The following MOB1B variants were observed in gnomAD, a reference collection of about 807,000 sequenced individuals.
MOB1B encodes MOB kinase activator 1B.
A neutral mutation model predicts 24.4 loss-of-function variants in MOB1B; 19 were observed. That is an observed-to-expected ratio of 0.78 (90% CI 0.54 to 1.14). The LOEUF (loss-of-function observed/expected upper bound fraction) is 1.14. Ranked by LOEUF, MOB1B falls within the 50% of genes most tolerant of loss-of-function variation. The pLI, the probability that MOB1B is intolerant of heterozygous loss-of-function variation, is 0.00. For missense variants in MOB1B, 243 were observed against 259.6 expected, an observed-to-expected ratio of 0.94 and a Z score of 0.44; for synonymous variants, 76 against 82.1, an observed-to-expected ratio of 0.93 and a Z score of 0.40.
chr4:70,962,271 C>T (rs1053335896), intron 2 of MOB1B, among the ~76,000 whole-genome samples: 81 of 152,226 alleles, frequency 5.3e-4, no homozygotes, highest in African/African-American at 1.8e-3. Context: ...CCAGGCTTCA[C>T]GAATTAGTCA....
intron 1 of MOB1B, among the ~76,000 whole-genome samples, chr4:70,927,606 C>T (rs1252965017): frequency 1.3e-5 from 2 of 152,084 alleles, no homozygotes; most frequent in Admixed American, 1.3e-4. Flanking sequence ...CTATTCAAAA[C>T]AGCAAGAATT....
intron 1 of MOB1B, among the ~76,000 whole-genome samples, chr4:70,919,378 T>C (rs939167097): frequency 2.6e-5 from 4 of 151,916 alleles, no homozygotes; most frequent in African/African-American, 9.7e-5. Context: ...TTCCCGTAAA[T>C]TATTTATTTT....
intron 1 of MOB1B, among the ~76,000 whole-genome samples, chr4:70,943,840 G>C (rs1017814495): frequency 6.6e-6 from 1 of 151,822 alleles, no homozygotes; most frequent in Admixed American, 6.6e-5. Context: ...TAGAGATCTA[G>C]ATTTTTGGAG....
chr4:70,976,442 G>A (rs188300899), intron 4 of MOB1B: 1 of 985,282 alleles, frequency 1.0e-6, no homozygotes, highest in East Asian at 1.1e-4. Flanking sequence ...TTGAGGGGTT[G>A]CTGTATCATC....
At chr4:70,956,380 G>A (rs769763809) in intron 1 of MOB1B, among the ~76,000 whole-genome samples, 12 of 151,926 alleles carry the variant, frequency 7.9e-5, no homozygotes, top group South Asian at 2.1e-4. Context: ...CTCCCACCTC[G>A]GCCTCCCAAA....
At chr4:70,979,480 T>C (rs978908953) in intron 5 of MOB1B, among the ~76,000 whole-genome samples, 189 bp downstream of exon 5, 1 of 152,212 alleles carries the variant, frequency 6.6e-6, no homozygotes. Flanking sequence ...TCCAAGTTGA[T>C]GGTATGCAAG....
intron 1 of MOB1B, among the ~76,000 whole-genome samples, chr4:70,904,537 G>A (rs980515402): frequency 4.6e-5 from 7 of 151,754 alleles, no homozygotes; most frequent in African/African-American, 1.7e-4. Flanking sequence ...AAGACAGGCA[G>A]ATCACCAGGT....
At chr4:70,928,147 A>G (rs972612938) in intron 1 of MOB1B, among the ~76,000 whole-genome samples, 3 of 152,106 alleles carry the variant, frequency 2.0e-5, no homozygotes, top group African/African-American at 7.2e-5. Flanking sequence ...CTTTCCAAAA[A>G]GACATTGTAC....
chr4:70,913,259 G>GGTATGTATGTAT (rs58774039), intron 1 of MOB1B, among the ~76,000 whole-genome samples: 1 of 149,918 alleles, frequency 6.7e-6, no homozygotes, highest in Non-Finnish European at 1.5e-5. Context: ...CGTTTGTATG[G>GGTATGTATGTAT]GTATGTATGT....
At chr4:70,956,420 G>A (rs1363817561) in intron 1 of MOB1B, among the ~76,000 whole-genome samples, 1 of 152,008 alleles carries the variant, frequency 6.6e-6, no homozygotes, top group Non-Finnish European at 1.5e-5. Context: ...GAGCCACTGT[G>A]CTGGGTCAAT....
intron 2 of MOB1B, among the ~76,000 whole-genome samples, chr4:70,961,907 T>C (rs1738319966): frequency 6.6e-6 from 1 of 151,980 alleles, no homozygotes; most frequent in Admixed American, 6.6e-5. Flanking sequence ...AGGAGAAAAA[T>C]AGAATAATAA....
At chr4:70,943,244 G>C (rs1737421629) in intron 1 of MOB1B, among the ~76,000 whole-genome samples, 1 of 152,162 alleles carries the variant, frequency 6.6e-6, no homozygotes, top group East Asian at 1.9e-4. Context: ...AGCTAAATGG[G>C]GTGGTTCAGC....
chr4:70,937,913 T>G (rs929040358), intron 1 of MOB1B, among the ~76,000 whole-genome samples: 5 of 152,148 alleles, frequency 3.3e-5, no homozygotes, highest in African/African-American at 1.2e-4. Context: ...GCAATCATTT[T>G]TTAAAAAATT....
chr4:70,943,507 A>G (rs1217060824), intron 1 of MOB1B, among the ~76,000 whole-genome samples: 1 of 152,222 alleles, frequency 6.6e-6, no homozygotes, highest in Non-Finnish European at 1.5e-5. Flanking sequence ...AAGAGCTTTG[A>G]TAAACTTTTC....
At chr4:70,947,088 G>T (rs2035187) in intron 1 of MOB1B, among the ~76,000 whole-genome samples, 122,822 of 152,104 alleles carry the variant, frequency 0.81, 53,018 homozygotes, top group Non-Finnish European at 0.96. Context: ...GAAGTTCTTA[G>T]CCAGTAAGTT....
intron 1 of MOB1B, among the ~76,000 whole-genome samples, chr4:70,949,888 G>A (rs1737729529): frequency 6.6e-6 from 1 of 151,706 alleles, no homozygotes; most frequent in African/African-American, 2.4e-5. Context: ...CCAGCCTAGG[G>A]GACAGAGTGA....
chr4:70,937,941 TTTC>T (rs1226865013), intron 1 of MOB1B, among the ~76,000 whole-genome samples: 12 of 152,150 alleles, frequency 7.9e-5, no homozygotes, highest in Non-Finnish European at 1.8e-4. Flanking sequence ...TCCTATTTAA[TTTC>T]TTCTTTTTTT....
At chr4:70,960,990 A>AG (rs1273071912) in intron 2 of MOB1B, among the ~76,000 whole-genome samples, 1 of 152,162 alleles carries the variant, frequency 6.6e-6, no homozygotes, top group Non-Finnish European at 1.5e-5. Flanking sequence ...CTTATCTGCT[A>AG]GGGATACATT....
At chr4:70,902,261 G>C, upstream of MOB1B, 1 of 562,530 alleles carries the variant, frequency 1.8e-6, no homozygotes, top group Non-Finnish European at 3.2e-6. Flanking sequence ...TGGGGGCGGC[G>C]GGGAGCTGGG....
Sources: gnomAD v4.1 joint callset for allele counts (sites outside exome capture counted in the v4.1 genomes callset) on GRCh38, gnomAD v4.1.1 for gene constraint, MANE v1.5 for transcripts, NCBI Gene and HGNC (gene_info 2026-07-23, HGNC 2026-07-21) for gene names.